The following ARHGEF3 variants were observed in gnomAD, a reference collection of about 807,000 sequenced individuals.
ARHGEF3 encodes the protein Rho guanine nucleotide exchange factor 3, also known as 59.8 kDA protein.
Under a neutral mutation model 63.2 loss-of-function variants are expected in ARHGEF3, and 28 were observed. The ratio of observed to expected loss-of-function variants is 0.44; its 90% CI spans 0.33 to 0.61. ARHGEF3 has a LOEUF of 0.61. ARHGEF3 is among the 20% of genes least tolerant of loss of function. The probability of loss-of-function intolerance (pLI) is 0.03; values close to 1 mark genes in which losing one functional copy is unlikely to be tolerated. For missense variants in ARHGEF3, 533 were observed against 659.3 expected (o/e 0.81, Z 2.10); for synonymous variants, 266 against 254.2 (o/e 1.05, Z -0.44).
At chr3:57,061,934 G>A (rs1015220971) in intron 1 of ARHGEF3, among the ~76,000 whole-genome samples, 1 of 152,122 alleles carries the variant, frequency 6.6e-6, no homozygotes, top group Non-Finnish European at 1.5e-5. Context: ...TTGTTTCTCC[G>A]GTTGTGACAA....
chr3:56,883,361 G>A (rs1174297568), intron 3 of ARHGEF3, among the ~76,000 whole-genome samples: 2 of 150,700 alleles, frequency 1.3e-5, no homozygotes, highest in Middle Eastern at 3.4e-3. Flanking sequence ...GTGCAGTGGT[G>A]TGAACACAGC....
chr3:56,915,279 T>C (rs1418314872), intron 3 of ARHGEF3, among the ~76,000 whole-genome samples: 3 of 139,064 alleles, frequency 2.2e-5, no homozygotes, highest in South Asian at 2.5e-4. Flanking sequence ...CTGAGCAACA[T>C]AGTAAGACCC....
chr3:57,015,923 T>C (rs1021268764), intron 2 of ARHGEF3, among the ~76,000 whole-genome samples: 1 of 152,076 alleles, frequency 6.6e-6, no homozygotes. Context: ...CTGGCAATGA[T>C]GAACTCTTGG....
chr3:56,850,986 T>G (rs1559991646), intron 4 of ARHGEF3, among the ~76,000 whole-genome samples: 1 of 152,040 alleles, frequency 6.6e-6, no homozygotes, highest in Non-Finnish European at 1.5e-5. Flanking sequence ...AGTGGTAGAG[T>G]GAAGACTGAA....
intron 2 of ARHGEF3, among the ~76,000 whole-genome samples, chr3:56,967,360 T>TTATATTA (rs1268155368): frequency 0.034 from 1,523 of 45,320 alleles, 237 homozygotes; most frequent in Admixed American, 0.065. Context: ...TTATATAATA[T>TTATATTA]TATATTATAT....
At chr3:56,850,618 G>A (rs186964166) in intron 4 of ARHGEF3, among the ~76,000 whole-genome samples, 3 of 152,316 alleles carry the variant, frequency 2.0e-5, no homozygotes, top group Non-Finnish European at 2.9e-5. Context: ...AGCCCTCTAA[G>A]TTCTGTTTAA....
chr3:57,014,526 C>T (rs1702890523), intron 2 of ARHGEF3, among the ~76,000 whole-genome samples: 1 of 151,820 alleles, frequency 6.6e-6, no homozygotes, highest in Non-Finnish European at 1.5e-5. Context: ...GGAAATTTCT[C>T]ACAATACTCA....
Position 56,727,452 on chromosome 3 carries a change from C to T in ARHGEF3, c.*1818G>A, listed in dbSNP as rs995770639. ...ATAATGTAATTTATTTGAAATACTT[C>T]CAGAAAAGTTTAAGGCCATTATACA... On this transcript the variant is annotated 3_prime_UTR_variant, in exon 10 of 10. Coordinates refer to ENST00000296315, the MANE Select transcript of ARHGEF3 (RefSeq NM_019555.3). 4.6e-5 allele frequency: 7 copies of T among 152,584 alleles called. No homozygotes were observed. The highest frequency in any genetic ancestry group is 1.7e-4 in the African/African-American group (7 of 41,432). The allele number at this position is 152,584 out of a possible 1,614,324, so 9.5% of individuals were successfully genotyped here. A position where few individuals can be genotyped will look rare whatever the true frequency, so the allele number is the denominator to read the frequency against.
At chr3:56,857,226 T>C (rs556172036) in intron 4 of ARHGEF3, among the ~76,000 whole-genome samples, 1 of 152,304 alleles carries the variant, frequency 6.6e-6, no homozygotes, top group South Asian at 2.1e-4. Flanking sequence ...GTGGCCACGG[T>C]GGGTTGCCTT....
At chr3:56,896,620 C>T (rs1318497715) in intron 3 of ARHGEF3, among the ~76,000 whole-genome samples, 1 of 152,162 alleles carries the variant, frequency 6.6e-6, no homozygotes, top group African/African-American at 2.4e-5. Flanking sequence ...AACAGTTCCC[C>T]AGGCTTTCTT....
chr3:57,021,654 G>A (rs1168936527), intron 2 of ARHGEF3, among the ~76,000 whole-genome samples: 4 of 151,928 alleles, frequency 2.6e-5, no homozygotes, highest in Non-Finnish European at 5.9e-5. Flanking sequence ...TTGGGAGGCT[G>A]AGGCAGGGGA....
chr3:57,020,277 C>T (rs191381324), intron 2 of ARHGEF3, among the ~76,000 whole-genome samples: 41 of 152,268 alleles, frequency 2.7e-4, no homozygotes, highest in Non-Finnish European at 5.1e-4. Flanking sequence ...GGGGCTGAGT[C>T]AGGAATCATG....
intron 4 of ARHGEF3, among the ~76,000 whole-genome samples, chr3:56,866,339 C>G (rs1011773333): frequency 6.6e-6 from 1 of 152,082 alleles, no homozygotes. Flanking sequence ...TTACCTTTTC[C>G]GAGTAAAACA....
chr3:56,941,210 C>T (rs1312280185), intron 3 of ARHGEF3, among the ~76,000 whole-genome samples: 5 of 152,156 alleles, frequency 3.3e-5, no homozygotes, highest in African/African-American at 9.7e-5. Flanking sequence ...TTAGCCACAG[C>T]ACATGTTCTG....
Position 57,073,980 on chromosome 3 carries a change from G to C in ARHGEF3, c.-28+5246C>G, listed in dbSNP as rs764779294. On this transcript the variant is annotated intron_variant, in intron 1 of 12. Coordinates refer to the ARHGEF3 transcript ENST00000338458. ...AGCAGCCATCTCTCTTGACATCGCT[G>C]TATCCCAAATAAATCTTCTGGGAAG... 5.0e-6 allele frequency: 8 copies of C among 1,614,110 alleles called. No individual in the cohort carries two copies. Among genetic ancestry groups the C allele is most frequent in the Non-Finnish European group, 6.8e-6 (8 of 1,180,058 alleles).
At chr3:56,984,436 T>A (rs956086784) in intron 2 of ARHGEF3, among the ~76,000 whole-genome samples, 2 of 152,056 alleles carry the variant, frequency 1.3e-5, no homozygotes, top group Admixed American at 1.3e-4. Flanking sequence ...TGGGCGAGTA[T>A]GTTACAAGGA....
intron 4 of ARHGEF3, among the ~76,000 whole-genome samples, chr3:56,839,092 T>C (rs1323654262): frequency 6.6e-6 from 1 of 152,150 alleles, no homozygotes; most frequent in African/African-American, 2.4e-5. Flanking sequence ...TGAGCTGTGA[T>C]TGTGCCACTG....
intron 2 of ARHGEF3, among the ~76,000 whole-genome samples, chr3:57,025,694 CCCT>C: frequency 6.6e-6 from 1 of 152,298 alleles, no homozygotes; most frequent in Non-Finnish European, 1.5e-5. Context: ...TGTTTTTGCT[CCCT>C]CTTGAGTCCT....
chr3:56,916,769 A>G (rs1041357607), intron 3 of ARHGEF3, among the ~76,000 whole-genome samples: 1 of 152,200 alleles, frequency 6.6e-6, no homozygotes, highest in African/African-American at 2.4e-5. Flanking sequence ...TCACTAGGAG[A>G]AGGGACACTG....
Sources: gnomAD v4.1 joint callset for allele counts (sites outside exome capture counted in the v4.1 genomes callset) on GRCh38, gnomAD v4.1.1 for gene constraint, MANE v1.5 for transcripts, NCBI Gene and HGNC (gene_info 2026-07-23, HGNC 2026-07-21) for gene names.